Variants in RBFOX1 observed in about 807,000 individuals in gnomAD.
The protein encoded by RBFOX1 is RNA binding protein fox-1 homolog 1.
A neutral mutation model predicts 57.7 loss-of-function variants in RBFOX1; 8 were observed. The observed-to-expected ratio is 0.14, with a 90% CI of 0.08 to 0.25. The LOEUF is 0.25. Ranked by LOEUF, RBFOX1 falls within the 10% of genes least tolerant of loss-of-function variation. The pLI, the probability that RBFOX1 is intolerant of heterozygous loss-of-function variation, is 1.00. For synonymous variants in RBFOX1, 326 were observed against 222.4 expected, an observed-to-expected ratio of 1.47 and a Z score of -4.15; for missense variants, 611 against 548.5, an observed-to-expected ratio of 1.11 and a Z score of -1.14.
intron 3 of RBFOX1, among the ~76,000 whole-genome samples, chr16:5,650,025 A>T (rs1246045047): frequency 2.6e-5 from 4 of 152,222 alleles, no homozygotes; most frequent in African/African-American, 9.6e-5. Context: ...ATTGCTCTCT[A>T]CATGAAGCAT....
chr16:6,552,073 A>C (rs912488111), intron 2 of RBFOX1, among the ~76,000 whole-genome samples: 1 of 152,192 alleles, frequency 6.6e-6, no homozygotes, highest in Non-Finnish European at 1.5e-5. Flanking sequence ...GTAACAGGTT[A>C]TGCTTTTAGA....
chr16:6,114,411 A>G (rs913524702), intron 1 of RBFOX1, among the ~76,000 whole-genome samples: 47 of 152,242 alleles, frequency 3.1e-4, no homozygotes, highest in African/African-American at 1.1e-3. Flanking sequence ...AGAAAATTCT[A>G]GCATGAGCAT....
At chr16:7,409,071 C>G (rs910779253) in intron 4 of RBFOX1, among the ~76,000 whole-genome samples, 14 of 152,224 alleles carry the variant, frequency 9.2e-5, no homozygotes, top group Non-Finnish European at 1.5e-5. Flanking sequence ...TTGCCTTGAA[C>G]TCCTCCAGCT....
chr16:5,421,181 A>C (rs2067314730), intron 1 of RBFOX1, among the ~76,000 whole-genome samples: 1 of 150,734 alleles, frequency 6.6e-6, no homozygotes, highest in Non-Finnish European at 1.5e-5. Context: ...TAATTTTTGT[A>C]GTTTTTGGTA....
At chr16:5,855,430 CT>C (rs1236373578) in intron 3 of RBFOX1, among the ~76,000 whole-genome samples, 4 of 152,090 alleles carry the variant, frequency 2.6e-5, no homozygotes, top group Non-Finnish European at 5.9e-5. Flanking sequence ...CAATTATATT[CT>C]TTTGCCTGTG....
At chr16:5,885,864 A>G (rs957989113) in intron 4 of RBFOX1, among the ~76,000 whole-genome samples, 2 of 152,082 alleles carry the variant, frequency 1.3e-5, no homozygotes, top group African/African-American at 4.8e-5. Flanking sequence ...TTACTGATAC[A>G]GGTTGGCTCT....
intron 4 of RBFOX1, among the ~76,000 whole-genome samples, chr16:7,247,008 A>T (rs1001063708): frequency 6.6e-6 from 1 of 152,102 alleles, no homozygotes; most frequent in Non-Finnish European, 1.5e-5. Context: ...AGCAATCACA[A>T]ATCTAATTGG....
intron 5 of RBFOX1, among the ~76,000 whole-genome samples, chr16:7,549,872 C>T (rs570393152): frequency 1.4e-4 from 21 of 152,134 alleles, no homozygotes; most frequent in Non-Finnish European, 2.5e-4. Context: ...AGTACTTTGC[C>T]TCCTTCAGTC....
At position 5,386,354 on chromosome 16, in the gene RBFOX1, A is replaced by G. The variant is rs149540367; in HGVS notation, c.220-80862A>G. 9.2e-5 allele frequency among the ~76,000 whole-genome samples: 14 copies of G among 152,158 alleles called. No individual in the cohort carries two copies. The East Asian group carries it at 2.3e-3, about 25-fold the overall frequency. ...GGGTCCTGAGAGCATTGCATCTCAA[A>G]GGCCCCAGGGGAAAAGGTAGACGGC... On this transcript the variant is annotated intron_variant, in intron 1 of 2. Transcript: ENST00000585867.
At chr16:6,115,865 G>A (rs542178432) in intron 1 of RBFOX1, among the ~76,000 whole-genome samples, 1 of 152,242 alleles carries the variant, frequency 6.6e-6, no homozygotes, top group African/African-American at 2.4e-5. Context: ...GACCCACACA[G>A]ATTTGTTAAG....
At chr16:6,662,527 G>T (rs146521147) in intron 3 of RBFOX1, among the ~76,000 whole-genome samples, 1 of 152,122 alleles carries the variant, frequency 6.6e-6, no homozygotes. Context: ...GATTTCAGGT[G>T]GCAAATGAGG....
chr16:6,872,518 C>G (rs573180538), intron 3 of RBFOX1, among the ~76,000 whole-genome samples: 1 of 152,184 alleles, frequency 6.6e-6, no homozygotes, highest in South Asian at 2.1e-4. Context: ...CTATGATTTT[C>G]TTATTTGAAA....
intron 4 of RBFOX1, among the ~76,000 whole-genome samples, chr16:7,260,778 C>T (rs2094888532): frequency 6.6e-6 from 1 of 152,146 alleles, no homozygotes; most frequent in African/African-American, 2.4e-5. Flanking sequence ...ATTCCCTAGG[C>T]TGCCGAACAG....
At chr16:7,472,635 C>T (rs1428577579) in intron 4 of RBFOX1, among the ~76,000 whole-genome samples, 2 of 152,202 alleles carry the variant, frequency 1.3e-5, no homozygotes, top group Non-Finnish European at 2.9e-5. Context: ...TCCGAGACTG[C>T]ACTGTAGCTA....
At chr16:5,938,971 T>C (rs12924008) in intron 4 of RBFOX1, among the ~76,000 whole-genome samples, 37,775 of 152,130 alleles carry the variant, frequency 0.25, 5,307 homozygotes, top group Middle Eastern at 0.49. Flanking sequence ...GCAACCATCA[T>C]TATCAGCAAA....
intron 3 of RBFOX1, among the ~76,000 whole-genome samples, chr16:6,746,314 T>C (rs940047006): frequency 3.3e-5 from 5 of 152,036 alleles, no homozygotes; most frequent in Admixed American, 6.6e-5. Flanking sequence ...CCAAAATATC[T>C]TTGAAAAAAA....
At chr16:5,878,580 T>A (rs17138789) in intron 4 of RBFOX1, among the ~76,000 whole-genome samples, 4,674 of 152,284 alleles carry the variant, frequency 0.031, 127 homozygotes, top group East Asian at 0.13. Context: ...CTTCTCCTGA[T>A]AAATGTTGCT....
intron 10 of RBFOX1, among the ~76,000 whole-genome samples, chr16:7,609,625 G>T (rs987736884): frequency 6.6e-6 from 1 of 152,112 alleles, no homozygotes; most frequent in Non-Finnish European, 1.5e-5. Flanking sequence ...TCTAAGCACT[G>T]TACATAAGTT....
At chr16:7,506,387 C>G (rs1356386706) in intron 4 of RBFOX1, among the ~76,000 whole-genome samples, 3 of 151,866 alleles carry the variant, frequency 2.0e-5, no homozygotes, top group Admixed American at 6.6e-5. Flanking sequence ...TCCCACCTAG[C>G]TTGAAAAAGA....
Sources: allele counts gnomAD v4.1 joint callset (sites outside exome capture counted in the v4.1 genomes callset), GRCh38; gene constraint gnomAD v4.1.1; transcripts MANE v1.5; gene names NCBI Gene and HGNC (gene_info 2026-07-23, HGNC 2026-07-21).